PCDH15: variants seen among roughly 807,000 people sequenced by gnomAD.
PCDH15 encodes the protein protocadherin-15.
In PCDH15, 129 loss-of-function variants were observed where a neutral mutation model predicts 178.5. That is an observed-to-expected ratio of 0.72 (90% confidence interval 0.63 to 0.84). The LOEUF is 0.84. Among genes scored for constraint, PCDH15 ranks in the 40% least tolerant of loss-of-function variants. The pLI is 0.00. For synonymous variants in PCDH15, 800 were observed against 732.0 expected (o/e 1.09, Z -1.50); for missense variants, 2,230 against 2,099.9 (o/e 1.06, Z -1.21).
intron 3 of PCDH15, among the ~76,000 whole-genome samples, chr10:54,844,757 A>G (rs1459412736): frequency 6.6e-6 from 1 of 152,050 alleles, no homozygotes; most frequent in Non-Finnish European, 1.5e-5. Context: ...TTAAAATAAT[A>G]AAGTTTATGA....
intron 11 of PCDH15, among the ~76,000 whole-genome samples, chr10:54,193,659 A>G (rs2049266832): frequency 6.6e-6 from 1 of 152,162 alleles, no homozygotes; most frequent in South Asian, 2.1e-4. Context: ...GAGAATCCCT[A>G]AATTCTCTTG....
chr10:55,098,500 G>C (rs891150407), intron 2 of PCDH15, among the ~76,000 whole-genome samples: 1 of 152,164 alleles, frequency 6.6e-6, no homozygotes, highest in East Asian at 1.9e-4. Flanking sequence ...TTTCGTGGGT[G>C]AATGTCAGCA....
intron 3 of PCDH15, among the ~76,000 whole-genome samples, chr10:54,873,483 T>C (rs949702628): frequency 1.3e-5 from 2 of 148,886 alleles, no homozygotes; most frequent in Non-Finnish European, 3.0e-5. Flanking sequence ...TTTATATATA[T>C]ATAATATATA....
At chr10:54,847,088 C>A (rs1165075511) in intron 3 of PCDH15, among the ~76,000 whole-genome samples, 1 of 152,130 alleles carries the variant, frequency 6.6e-6, no homozygotes, top group African/African-American at 2.4e-5. Flanking sequence ...TGTCACTGAT[C>A]CACCTTTTGA....
At chr10:55,627,460 C>G (rs1228205414) in intron 2 of PCDH15, among the ~76,000 whole-genome samples, 1 of 152,102 alleles carries the variant, frequency 6.6e-6, no homozygotes, top group African/African-American at 2.4e-5. Flanking sequence ...TTGAAAGGTA[C>G]TTCCACCTTG....
intron 18 of PCDH15, among the ~76,000 whole-genome samples, chr10:54,058,475 TC>T (rs1393278126): frequency 6.6e-6 from 1 of 152,054 alleles, no homozygotes; most frequent in African/African-American, 2.4e-5. Context: ...TGAGACTTAC[TC>T]ACTATCCCAA....
chr10:54,945,364 T>TAGATAG (rs1564652975), intron 2 of PCDH15, among the ~76,000 whole-genome samples: 1 of 146,052 alleles, frequency 6.8e-6, no homozygotes, highest in East Asian at 2.0e-4. Flanking sequence ...TAGATAGATA[T>TAGATAG]ATAGATAGAT....
intron 2 of PCDH15, among the ~76,000 whole-genome samples, chr10:55,354,786 TAC>T (rs1845034621): frequency 6.6e-6 from 1 of 152,038 alleles, no homozygotes; most frequent in South Asian, 2.1e-4. Context: ...TTGCGGAATG[TAC>T]AGTTTTATAA....
chr10:54,218,707 T>C (rs80282878), intron 9 of PCDH15, among the ~76,000 whole-genome samples: 4,943 of 152,222 alleles, frequency 0.032, 120 homozygotes, highest in Middle Eastern at 0.075. Context: ...TTCTTAATGG[T>C]AGTGCAAGCA....
intron 2 of PCDH15, among the ~76,000 whole-genome samples, chr10:55,130,494 GA>G (rs2132076800): frequency 6.6e-6 from 1 of 152,272 alleles, no homozygotes; most frequent in South Asian, 2.1e-4. Context: ...ACAGCTTCTG[GA>G]GTTGGACTAC....
At position 54,057,419 on chromosome 10, in the gene PCDH15, G is replaced by A. The variant is rs183350924; in HGVS notation, c.2220+9338C>T. 1.6e-3 allele frequency among the ~76,000 whole-genome samples: 237 copies of A among 152,304 alleles called. 1 individual carries two copies. The highest frequency in any genetic ancestry group is 5.3e-3 in the African/African-American group (219 of 41,556). On this transcript the variant is annotated intron_variant, in intron 18 of 37. Transcript: ENST00000644397. ...ATTATTGACTTCTGTGCACCTGCAC[G>A]ATCAACACCATGTGGAAGCCGCCAA... is the stretch of plus-strand genomic sequence containing the variant.
At chr10:55,514,095 T>A (rs1013039233) in intron 2 of PCDH15, among the ~76,000 whole-genome samples, 2 of 152,058 alleles carry the variant, frequency 1.3e-5, no homozygotes, top group Non-Finnish European at 2.9e-5. Context: ...GAGTATATAG[T>A]CACAATTTTC....
intron 13 of PCDH15, among the ~76,000 whole-genome samples, chr10:54,153,875 G>A (rs1001452451): frequency 5.3e-5 from 8 of 152,066 alleles, no homozygotes; most frequent in African/African-American, 1.4e-4. Flanking sequence ...CTGATAAGTC[G>A]TAGAGTATTA....
chr10:53,822,665 A>C, intron 32 of PCDH15: 1 of 1,614,050 alleles, frequency 6.2e-7, no homozygotes, highest in African/African-American at 1.3e-5. Flanking sequence ...TGATGACATT[A>C]GGTTCTGATT....
At chr10:54,502,531 G>A (rs925004997) in intron 3 of PCDH15, among the ~76,000 whole-genome samples, 31 of 151,900 alleles carry the variant, frequency 2.0e-4, no homozygotes, top group South Asian at 1.7e-3. Flanking sequence ...CTATATATAA[G>A]TTCTATAAAA....
intron 13 of PCDH15, among the ~76,000 whole-genome samples, chr10:54,182,816 T>A (rs1197805638): frequency 6.6e-6 from 1 of 152,156 alleles, no homozygotes. Context: ...ATATTCAGTA[T>A]TTTAATAAAA....
Position 54,697,911 on chromosome 10 carries a change from C to T in PCDH15, c.-28-33621G>A, listed in dbSNP as rs140804707. On this transcript the variant is annotated intron_variant, in intron 1 of 37. Coordinates refer to ENST00000644397, the MANE Select transcript of PCDH15 (RefSeq NM_001384140.1). ...CAGGCACTTACGATACTATTTAGGC[C>T]ACCTGCTAAGTTCTGTATACAGTGG... 1.0e-3 allele frequency among the ~76,000 whole-genome samples: 155 copies of T among 152,128 alleles called. 3 individuals carry two copies. In the East Asian group the frequency reaches 0.028, roughly 27 times the overall value.
intron 8 of PCDH15, among the ~76,000 whole-genome samples, chr10:54,251,401 GCTTA>G (rs1245171246): frequency 6.6e-6 from 1 of 151,952 alleles, no homozygotes; most frequent in Non-Finnish European, 1.5e-5. Flanking sequence ...TATTGTACTT[GCTTA>G]CTTCTCCTGG....
intron 28 of PCDH15, among the ~76,000 whole-genome samples, chr10:53,855,778 G>C (rs2133010093): frequency 6.6e-6 from 1 of 151,446 alleles, no homozygotes; most frequent in East Asian, 2.0e-4. Flanking sequence ...TGCAGGCAGA[G>C]CTTAAAACCT....
Sources: gnomAD v4.1 joint callset for allele counts (sites outside exome capture counted in the v4.1 genomes callset) on GRCh38, gnomAD v4.1.1 for gene constraint, MANE v1.5 for transcripts, NCBI Gene and HGNC (gene_info 2026-07-23, HGNC 2026-07-21) for gene names.